The following KNL1 variants were observed in gnomAD, a reference collection of about 807,000 sequenced individuals.
The protein encoded by KNL1 is outer kinetochore KNL1 complex subunit KNL1.
A neutral mutation model predicts 201.3 loss-of-function variants in KNL1; 66 were observed. The observed-to-expected ratio is 0.33, with a 90% CI of 0.27 to 0.40. KNL1 has a LOEUF of 0.40. KNL1 is among the 10% of genes least tolerant of loss of function. The pLI is 1.00. For synonymous variants in KNL1, 895 were observed against 899.2 expected (o/e 1.00, Z 0.08); for missense variants, 2,815 against 2,690.5 (o/e 1.05, Z -1.02).
At chr15:40,617,047 C>T (rs1892365821) in intron 8 of KNL1, among the ~76,000 whole-genome samples, 2 of 152,194 alleles carry the variant, frequency 1.3e-5, no homozygotes, top group Non-Finnish European at 2.9e-5. Context: ...CTCCCAGGTT[C>T]AAGCGATTTT....
intron 17 of KNL1, 143 bp from the exon 18 acceptor site, chr15:40,650,158 G>A: frequency 9.1e-6 from 5 of 549,030 alleles, no homozygotes; most frequent in South Asian, 5.2e-5. Context: ...CATCAGACTA[G>A]AACTTCTGAA....
chr15:40,635,929 G>A (rs1185630373), intron 13 of KNL1, among the ~76,000 whole-genome samples: 2 of 152,056 alleles, frequency 1.3e-5, no homozygotes, highest in African/African-American at 2.4e-5. Context: ...TGCACTTCCC[G>A]GGTTCAAGTG....
intron 2 of KNL1, among the ~76,000 whole-genome samples, chr15:40,603,587 C>T (rs1440327011): frequency 1.3e-5 from 2 of 152,194 alleles, no homozygotes; most frequent in Non-Finnish European, 2.9e-5. Flanking sequence ...TAAGACACCC[C>T]CGCCCCCCCA....
At chr15:40,651,407 A>C (rs939603487) in intron 19 of KNL1, 64 bp from the exon 20 acceptor site, 1 of 1,064,516 alleles carries the variant, frequency 9.4e-7, no homozygotes, top group African/African-American at 1.6e-5. Flanking sequence ...TAAACCTTTT[A>C]TATTGATAGA....
intron 4 of KNL1, among the ~76,000 whole-genome samples, chr15:40,606,920 C>T (rs1047170588): frequency 9.9e-5 from 15 of 152,114 alleles, no homozygotes; most frequent in Admixed American, 9.2e-4. Flanking sequence ...CCACCATGCC[C>T]GGCTAATTTT....
Position 40,624,209 on chromosome 15 carries a change from G to A in KNL1, c.3945G>A (p.Leu1315=). ...ATGTTATTTCCTGTACTGATAATTT[G>A]GAGGGTAGTGCCATGCTCTTATGTG... is the stretch of plus-strand genomic sequence containing the variant. ...LPNVISCTDN[L]EGSAMLLCDK... Residue 1315 remains leucine, a synonymous_variant, in exon 10 of 26, where the codon TTG becomes TTA. Coordinates refer to ENST00000399668, the MANE Select transcript of KNL1 (RefSeq NM_144508.5). 1.2e-6 allele frequency: 2 copies of A among 1,613,910 alleles called. No individual in the cohort carries two copies. The highest frequency in any genetic ancestry group is 1.7e-6 in the Non-Finnish European group (2 of 1,179,934).
Position 40,629,317 on chromosome 15 carries a change from T to G in KNL1, c.5628T>G (p.Leu1876=). ...TAACAATAAGGGAGTTCTTTATACTTCTCCAGGTCCACATCTTGATACAGA... is the reference window on the plus strand; with the variant it reads ...TAACAATAAGGGAGTTCTTTATACTGCTCCAGGTCCACATCTTGATACAGA... ...GRITIREFFI[L]LQVHILIQKP... is the part of the protein sequence containing the mutation. The change falls in exon 13 of 26, where the codon CTT becomes CTG. Residue 1876 remains leucine, a synonymous_variant. Coordinates refer to ENST00000399668, the MANE Select transcript of KNL1 (RefSeq NM_144508.5). The G allele has an allele frequency of 6.2e-7, 1 of 1,604,766 alleles. No individual in the cohort carries two copies. Among genetic ancestry groups the G allele is most frequent in the Non-Finnish European group, 8.5e-7 (1 of 1,178,072 alleles).
In KNL1 at chr15:40,650,125, G is replaced by GA. The variant is rs77867576; in HGVS notation, c.6095-161dup. 33,627 of 380,308 alleles carry GA rather than the reference G, an allele frequency of 0.088. 1 individual carries two copies. Among genetic ancestry groups the GA allele is most frequent in the Middle Eastern group, 0.13 (167 of 1,334 alleles). The allele number at this position is 380,308 out of a possible 1,614,324, so 23.6% of individuals were successfully genotyped here. On this transcript the variant is annotated intron_variant, in intron 17 of 25. Coordinates refer to ENST00000399668, the MANE Select transcript of KNL1 (RefSeq NM_144508.5). Reference sequence around the variant, plus strand: ...TGACTACCTTACTTTCTCTTTCACAGAAAAAAAAAAAAAAATAGAAACCAT... The same window carrying GA: ...TGACTACCTTACTTTCTCTTTCACAGAAAAAAAAAAAAAAAATAGAAACCAT...
At chr15:40,641,615 TAA>T (rs1184083159) in intron 14 of KNL1, among the ~76,000 whole-genome samples, 1 of 152,214 alleles carries the variant, frequency 6.6e-6, no homozygotes, top group African/African-American at 2.4e-5. Context: ...AAATATTGTA[TAA>T]AATTACCCTC....
In KNL1 at chr15:40,659,363, C is replaced by T. The variant is rs373101029; in HGVS notation, c.6738C>T (p.Ser2246=). 3.5e-5 allele frequency: 56 copies of T among 1,612,938 alleles called. No individual in the cohort carries two copies. The African/African-American group carries it at 3.9e-4, about 11-fold the overall frequency. ...GATTGAGACTTTTATTCTCTAGCTCCGCAGCATTTGCAAAGTTTGAAATAA... is the reference window on the plus strand; with the variant it reads ...GATTGAGACTTTTATTCTCTAGCTCTGCAGCATTTGCAAAGTTTGAAATAA... ...NNELRLLFSS[S]AAFAKFEITL... The change falls in exon 25 of 26, where the codon TCC becomes TCT. Residue 2246 remains serine (S), a synonymous_variant. Transcript: ENST00000399668.
At chr15:40,642,314 G>C (rs1241984398) in intron 14 of KNL1, among the ~76,000 whole-genome samples, 1 of 151,754 alleles carries the variant, frequency 6.6e-6, no homozygotes, top group Non-Finnish European at 1.5e-5. Context: ...CGGGAGAATG[G>C]CGCGAACCCA....
Position 40,602,912 on chromosome 15 carries a change from C to T in KNL1, c.-17-3C>T. ...GTTTTCTAATATTGTATATTTGTTA[C>T]AGAAAAGTTTTCTTCAAAAATGGAT... On this transcript the variant is annotated splice_region_variant and splice_polypyrimidine_tract_variant and intron_variant, in intron 1 of 25. Coordinates refer to ENST00000399668, the MANE Select transcript of KNL1 (RefSeq NM_144508.5). The T allele has an allele frequency of 6.5e-7, 1 of 1,534,732 alleles. No homozygotes were observed. The highest frequency in any genetic ancestry group is 9.0e-7 in the Non-Finnish European group (1 of 1,113,990).
rs1454823262 is a variant in KNL1, at chr15:40,608,771, CTCTG to C, written c.136-72_136-69del. 4.5e-6 allele frequency: 4 copies of C among 893,660 alleles called. No homozygotes were observed. In the African/African-American group the frequency reaches 6.9e-5, roughly 15 times the overall value. 55.4% of individuals were successfully genotyped at this position (893,660 alleles called of 1,614,324 possible). A position where few individuals can be genotyped will look rare whatever the true frequency, so the allele number is the denominator to read the frequency against. On this transcript the variant is annotated intron_variant, in intron 4 of 25. Transcript: ENST00000399668. Reference sequence around the variant, plus strand: ...AAAAAAAAAAAAAAAAGGACTTGATCTCTGTCTATAGTACTCTGGAGATGTAATT... The same window carrying C: ...AAAAAAAAAAAAAAAAGGACTTGATCTCTATAGTACTCTGGAGATGTAATT...
chr15:40,621,719 C>T lies in KNL1; in HGVS notation c.1455C>T (p.Asp485=), dbSNP rs777630647. The T allele has an allele frequency of 3.1e-6, 5 of 1,612,282 alleles. No homozygotes were observed. Among genetic ancestry groups the T allele is most frequent in the Non-Finnish European group, 4.2e-6 (5 of 1,178,710 alleles). The change falls in exon 10 of 26, where the codon GAC becomes GAT. Residue 485 remains aspartate (D), a synonymous_variant. Transcript: ENST00000399668. ...KTIYSGEENM[D]ITKSHTVAID... ...TTTATTCCGGAGAGGAGAACATGGACATTACCAAGAGTCATACAGTTGCAA... is the reference window on the plus strand; with the variant it reads ...TTTATTCCGGAGAGGAGAACATGGATATTACCAAGAGTCATACAGTTGCAA...
At chr15:40,630,326 ATTTTT>A (rs369452289) in intron 13 of KNL1, among the ~76,000 whole-genome samples, 12,733 of 152,252 alleles carry the variant, frequency 0.084, 535 homozygotes, top group East Asian at 0.12. Flanking sequence ...ACATTAATAA[ATTTTT>A]TAAAATGGAG....
Position 40,621,354 on chromosome 15 carries a change from T to A in KNL1, c.1090T>A (p.Phe364Ile), listed in dbSNP as rs1221491004. The change falls in exon 10 of 26, where the codon TTT (phenylalanine) becomes ATT (isoleucine). Residue 364 changes from phenylalanine (F) to isoleucine (I), a missense_variant. Physicochemically the swap from Phe to Ile is conservative, Grantham distance 21. Coordinates refer to ENST00000399668, the MANE Select transcript of KNL1 (RefSeq NM_144508.5). ...GTKASGNKTV[F>I]KSKQNTAFQD... ...TAAAGCTTCAGGAAATAAAACAGTTTTTAAGAGTAAACAAAATACTGCTTT... is the reference window on the plus strand; with the variant it reads ...TAAAGCTTCAGGAAATAAAACAGTTATTAAGAGTAAACAAAATACTGCTTT... The A allele has an allele frequency of 6.2e-7, 1 of 1,611,996 alleles. No individual in the cohort carries two copies. The highest frequency in any genetic ancestry group is 1.3e-5 in the African/African-American group (1 of 74,784).
At chr15:40,641,177 C>T in intron 14 of KNL1, 150 bp downstream of exon 14, 1 of 555,636 alleles carries the variant, frequency 1.8e-6, no homozygotes, top group Non-Finnish European at 3.2e-6. Context: ...GAGCTTTGGC[C>T]TCGTAGTCAG....
At chr15:40,609,995 C>T (rs761710218) in intron 5 of KNL1, among the ~76,000 whole-genome samples, 2 of 152,094 alleles carry the variant, frequency 1.3e-5, no homozygotes, top group Non-Finnish European at 2.9e-5. Flanking sequence ...GCTGTGATCG[C>T]ACCACTGCAA....
In KNL1 at chr15:40,662,651, T is replaced by C. The variant is rs1893943536; in HGVS notation, c.*463T>C. On this transcript the variant is annotated 3_prime_UTR_variant, in exon 26 of 26. Coordinates refer to ENST00000399668, the MANE Select transcript of KNL1 (RefSeq NM_144508.5). Reference sequence around the variant, plus strand: ...ACAAACTATTATCCTTTTTCTCCGTTACTAAAATGCTATTAAGAGAAAGTA... The same window carrying C: ...ACAAACTATTATCCTTTTTCTCCGTCACTAAAATGCTATTAAGAGAAAGTA... 5.2e-6 allele frequency: 1 copy of C among 191,798 alleles called. No homozygotes were observed. Among genetic ancestry groups the C allele is most frequent in the Non-Finnish European group, 1.1e-5 (1 of 91,746 alleles). 11.9% of individuals were successfully genotyped at this position (191,798 alleles called of 1,614,324 possible).
Sources: allele counts gnomAD v4.1 joint callset (sites outside exome capture counted in the v4.1 genomes callset), GRCh38; gene constraint gnomAD v4.1.1; transcripts MANE v1.5; gene names NCBI Gene and HGNC (gene_info 2026-07-23, HGNC 2026-07-21).